TPRG1: variants seen among roughly 807,000 people sequenced by gnomAD.
TPRG1 encodes the protein tumor protein p63 regulated 1.
In TPRG1, 29 loss-of-function variants were observed where a neutral mutation model predicts 29.3. That is an observed-to-expected ratio of 0.99 (90% CI 0.74 to 1.35). The LOEUF (loss-of-function observed/expected upper bound fraction) is 1.35. Among genes scored for constraint, TPRG1 ranks in the 40% most tolerant of loss-of-function variants. The probability of loss-of-function intolerance (pLI) is 0.00; values close to 1 mark genes in which losing one functional copy is unlikely to be tolerated. For missense variants in TPRG1, 327 were observed against 335.0 expected, an observed-to-expected ratio of 0.98 and a Z score of 0.19; for synonymous variants, 130 against 116.8, an observed-to-expected ratio of 1.11 and a Z score of -0.73.
At chr3:189,145,999 T>G (rs1371644284) in intron 3 of TPRG1, among the ~76,000 whole-genome samples, 1 of 152,090 alleles carries the variant, frequency 6.6e-6, no homozygotes, top group African/African-American at 2.4e-5. Context: ...TTTATTTGCA[T>G]TTTTCTAAGA....
chr3:189,084,200 GGTGCTCA>G (rs1717785764), intron 4 of TPRG1, among the ~76,000 whole-genome samples: 2 of 151,884 alleles, frequency 1.3e-5, no homozygotes, highest in Admixed American at 6.6e-5. Context: ...AGACATAATA[GGTGCTCA>G]GTGAATATTG....
chr3:189,097,578 T>A (rs1360779318), upstream of TPRG1, among the ~76,000 whole-genome samples: 1 of 152,264 alleles, frequency 6.6e-6, no homozygotes, highest in Non-Finnish European at 1.5e-5. Flanking sequence ...CTCATCGTTA[T>A]AAATTTCATA....
At chr3:189,061,353 G>C (rs948261538) in intron 4 of TPRG1, among the ~76,000 whole-genome samples, 1 of 151,854 alleles carries the variant, frequency 6.6e-6, no homozygotes, top group African/African-American at 2.4e-5. Flanking sequence ...AGACAAACTG[G>C]GCAATATCAT....
chr3:189,121,997 T>A (rs972950119), intron 1 of TPRG1: 5 of 151,962 alleles, frequency 3.3e-5, no homozygotes, highest in Non-Finnish European at 7.4e-5. Context: ...TTATATACAA[T>A]TTATGTTTGT....
intron 3 of TPRG1, among the ~76,000 whole-genome samples, chr3:189,143,929 G>A (rs564604124): frequency 3.9e-5 from 6 of 151,968 alleles, no homozygotes; most frequent in Admixed American, 1.3e-4. Context: ...AATCATTTCC[G>A]GTGAAACTCC....
At chr3:189,022,394 G>A (rs1355508798) in intron 3 of TPRG1, among the ~76,000 whole-genome samples, 6 of 149,466 alleles carry the variant, frequency 4.0e-5, no homozygotes, top group Non-Finnish European at 7.4e-5. Context: ...TGATGGTGAT[G>A]TACAGATGGG....
chr3:189,312,136 T>TC (rs1722679752), intron 5 of TPRG1, among the ~76,000 whole-genome samples: 2 of 35,580 alleles, frequency 5.6e-5, no homozygotes, highest in African/African-American at 2.6e-4. Context: ...TTTCTTTCTT[T>TC]CTTTCTTTCT....
At chr3:189,081,320 A>G (rs1379660279) in intron 4 of TPRG1, among the ~76,000 whole-genome samples, 1 of 152,180 alleles carries the variant, frequency 6.6e-6, no homozygotes, top group Admixed American at 6.5e-5. Flanking sequence ...ATGTCTTAGA[A>G]GAGCCAAGAG....
chr3:189,259,626 A>T (rs1388327211), intron 4 of TPRG1, among the ~76,000 whole-genome samples: 1 of 150,934 alleles, frequency 6.6e-6, no homozygotes, highest in Non-Finnish European at 1.5e-5. Flanking sequence ...CTGCCACCAC[A>T]CCCTGATAAT....
chr3:189,193,267 C>T (rs1441029011), intron 1 of TPRG1, among the ~76,000 whole-genome samples: 1 of 150,816 alleles, frequency 6.6e-6, no homozygotes, highest in Non-Finnish European at 1.5e-5. Context: ...TCCTGAGTAG[C>T]TGGGACTATA....
intron 4 of TPRG1, among the ~76,000 whole-genome samples, chr3:189,044,419 G>A (rs1318815603): frequency 6.6e-6 from 1 of 152,178 alleles, no homozygotes; most frequent in East Asian, 1.9e-4. Context: ...GCTGGGCGTG[G>A]TGGCAGGCGC....
intron 1 of TPRG1, among the ~76,000 whole-genome samples, chr3:189,105,400 T>C (rs1279868208): frequency 6.6e-6 from 1 of 152,106 alleles, no homozygotes; most frequent in Non-Finnish European, 1.5e-5. Flanking sequence ...GAATATCCAT[T>C]TCTCCACCCT....
chr3:189,272,964 C>T (rs897382133), intron 4 of TPRG1, among the ~76,000 whole-genome samples: 50 of 152,126 alleles, frequency 3.3e-4, no homozygotes, highest in African/African-American at 1.1e-3. Context: ...GTAGACCATC[C>T]AAAGCAGGCA....
chr3:189,061,852 T>G lies in TPRG1; in HGVS notation c.-463+37906T>G, dbSNP rs146159086. Among the ~76,000 whole-genome samples the G allele has an allele frequency of 2.5e-3, 378 of 151,962 alleles. 2 individuals carry two copies. The highest frequency in any genetic ancestry group is 8.1e-3 in the African/African-American group (338 of 41,566). ...ACACTGGTGGTGGAGTGTAAATTAG[T>G]TCAATCATTATGGAAAGCAGTGGGG... is the stretch of plus-strand genomic sequence containing the variant. On this transcript the variant is annotated intron_variant, in intron 4 of 10. Transcript: ENST00000433971.
intron 4 of TPRG1, among the ~76,000 whole-genome samples, chr3:189,242,036 G>C (rs1740697114): frequency 6.6e-6 from 1 of 151,954 alleles, no homozygotes; most frequent in African/African-American, 2.4e-5. Context: ...TAATTATAAA[G>C]TAAATTTCCA....
At chr3:189,189,994 G>A (rs539772865) in intron 1 of TPRG1, among the ~76,000 whole-genome samples, 7 of 152,276 alleles carry the variant, frequency 4.6e-5, no homozygotes, top group African/African-American at 1.7e-4. Flanking sequence ...ATTTAAAAGG[G>A]AAGATAGAGC....
chr3:189,166,778 C>T (rs1578631688), intron 5 of TPRG1, among the ~76,000 whole-genome samples: 1 of 152,132 alleles, frequency 6.6e-6, no homozygotes, highest in African/African-American at 2.4e-5. Flanking sequence ...AGGAGAAGAA[C>T]TTTAGGTAGG....
At chr3:189,195,017 C>G (rs1004962903) in intron 1 of TPRG1, among the ~76,000 whole-genome samples, 1 of 152,136 alleles carries the variant, frequency 6.6e-6, no homozygotes, top group African/African-American at 2.4e-5. Flanking sequence ...AGCCACTGCT[C>G]TGTTTCCTTG....
At chr3:189,181,772 G>A (rs1730255230) in intron 1 of TPRG1, among the ~76,000 whole-genome samples, 1 of 152,008 alleles carries the variant, frequency 6.6e-6, no homozygotes, top group Admixed American at 6.6e-5. Flanking sequence ...ACATTTTTGG[G>A]TATCTTTTCA....
Sources: gnomAD v4.1 joint callset for allele counts (sites outside exome capture counted in the v4.1 genomes callset) on GRCh38, gnomAD v4.1.1 for gene constraint, MANE v1.5 for transcripts, NCBI Gene and HGNC (gene_info 2026-07-23, HGNC 2026-07-21) for gene names.